NIPBL: variants seen among roughly 807,000 people sequenced by gnomAD.
The protein encoded by NIPBL is NIPBL cohesin loading factor.
NIPBL carries 19 observed loss-of-function variants against 321.8 expected under a neutral mutation model. The observed-to-expected ratio is 0.06, with a 90% confidence interval of 0.04 to 0.09. The LOEUF is 0.09. NIPBL is among the 10% of genes least tolerant of loss of function. The pLI, the probability that NIPBL is intolerant of heterozygous loss-of-function variation, is 1.00. For synonymous variants in NIPBL, 1,106 were observed against 1,114.1 expected (o/e 0.99, Z 0.14); for missense variants, 2,210 against 3,327.0 (o/e 0.66, Z 8.26).
chr5:37,042,427 T>C (rs1752505690), intron 34 of NIPBL, among the ~76,000 whole-genome samples: 1 of 151,344 alleles, frequency 6.6e-6, no homozygotes, highest in Non-Finnish European at 1.5e-5. Flanking sequence ...AGAACGAGGC[T>C]CTGTGTCAAA....
chr5:36,925,218 C>G (rs1232854837), intron 1 of NIPBL, among the ~76,000 whole-genome samples: 3 of 151,758 alleles, frequency 2.0e-5, no homozygotes, highest in African/African-American at 7.3e-5. Context: ...TATCATATCT[C>G]CAAATTTAAT....
intron 12 of NIPBL, 73 bp from the exon 13 acceptor site, chr5:37,000,744 A>G: frequency 7.1e-7 from 1 of 1,416,350 alleles, no homozygotes; most frequent in Admixed American, 1.8e-5. Context: ...TTCAGGAAAA[A>G]AACTAGAAAC....
intron 32 of NIPBL, among the ~76,000 whole-genome samples, chr5:37,028,333 CTTTT>C (rs10676635): frequency 4.4e-4 from 45 of 102,540 alleles, no homozygotes; most frequent in Non-Finnish European, 6.3e-4. Flanking sequence ...TTCCATAATA[CTTTT>C]TTTTTTTTTT....
chr5:37,044,950 A>G (rs1752821005), intron 36 of NIPBL, among the ~76,000 whole-genome samples: 1 of 152,210 alleles, frequency 6.6e-6, no homozygotes. Context: ...AAAGATTGGT[A>G]AATTTTTTGC....
At position 36,970,981 on chromosome 5, in the gene NIPBL, C is replaced by A; in HGVS notation, c.716C>A (p.Pro239His). ...GNSANHHADN[P>H]RHGSSEDYLH... The stretch of plus-strand genomic sequence containing the variant: ...TCAGCTAATCATCATGCTGATAATC[C>A]TAGACATGGTTCAAGTGAGGACTAC... The change falls in exon 7 of 47, where the codon CCT becomes CAT. Residue 239 changes from proline (P) to histidine (H), a missense_variant. By Grantham distance (77) the Pro-to-His change is moderately conservative. This residue lies in a region of NIPBL where 464 missense variants were observed against 529.5 expected (regional missense o/e 0.88). Coordinates refer to ENST00000282516, the MANE Select transcript of NIPBL (RefSeq NM_133433.4). 6.2e-7 allele frequency: 1 copy of A among 1,613,560 alleles called. No homozygotes were observed. Among genetic ancestry groups the A allele is most frequent in the Non-Finnish European group, 8.5e-7 (1 of 1,179,608 alleles).
intron 32 of NIPBL, among the ~76,000 whole-genome samples, chr5:37,031,774 G>C (rs1167964152): frequency 6.6e-6 from 1 of 152,086 alleles, no homozygotes; most frequent in African/African-American, 2.4e-5. Context: ...CATCAAAAAG[G>C]AACAGGGTAT....
chr5:36,971,043 A>T lies in NIPBL; in HGVS notation c.771+7A>T. 1 of 1,607,360 alleles carries T rather than the reference A, an allele frequency of 6.2e-7. No homozygotes were observed. Among genetic ancestry groups the T allele is most frequent in the Non-Finnish European group, 8.5e-7 (1 of 1,174,016 alleles). On this transcript the variant is annotated splice_region_variant and intron_variant, in intron 7 of 46. Transcript: ENST00000282516. ...GCACAGGCTAAGTAGTGACGTATGT[A>T]ATATATTATCATTAAGGTGATAAAA...
rs756589091 is a variant in NIPBL, at chr5:36,971,933, C to T, written c.772-12C>T. 1.4e-5 allele frequency: 23 copies of T among 1,605,736 alleles called. No individual in the cohort carries two copies. The highest frequency in any genetic ancestry group is 1.0e-4 in the Admixed American group (6 of 59,900). On this transcript the variant is annotated splice_polypyrimidine_tract_variant and intron_variant, in intron 7 of 46. Coordinates refer to ENST00000282516, the MANE Select transcript of NIPBL (RefSeq NM_133433.4). The stretch of plus-strand genomic sequence containing the variant: ...TGTCATTCAAAAGATAAATTGTATA[C>T]TCTATTTTTAGGATGGAGATTCTTC...
intron 1 of NIPBL, among the ~76,000 whole-genome samples, chr5:36,916,538 A>G (rs1225052993): frequency 1.3e-5 from 2 of 152,268 alleles, no homozygotes; most frequent in African/African-American, 2.4e-5. Flanking sequence ...TCTAGGGTAC[A>G]TGTGCACAAC....
At chr5:36,955,775 A>T in intron 3 of NIPBL, 138 bp downstream of exon 3, 1 of 682,562 alleles carries the variant, frequency 1.5e-6, no homozygotes, top group East Asian at 2.7e-5. Context: ...GAGGGAGAAT[A>T]TAGTCTTATT....
intron 10 of NIPBL, among the ~76,000 whole-genome samples, chr5:36,993,981 A>G (rs1192378683): frequency 1.3e-5 from 2 of 152,110 alleles, no homozygotes; most frequent in Admixed American, 1.3e-4. Context: ...CTAAAACATG[A>G]TTTTCCATCA....
chr5:37,018,653 T>TAG (rs755261173), intron 24 of NIPBL, among the ~76,000 whole-genome samples: 3 of 152,184 alleles, frequency 2.0e-5, no homozygotes, highest in East Asian at 3.8e-4. Context: ...TGTATGGCTA[T>TAG]GTTGATTATA....
chr5:37,035,747 A>G (rs745344315), intron 32 of NIPBL, among the ~76,000 whole-genome samples: 3 of 152,202 alleles, frequency 2.0e-5, no homozygotes, highest in Non-Finnish European at 2.9e-5. Context: ...GATTCCTTCA[A>G]TATCCCCAGA....
At chr5:37,064,307 A>C (rs1755151706) in intron 46 of NIPBL, 2 of 1,408,240 alleles carry the variant, frequency 1.4e-6, no homozygotes, top group Non-Finnish European at 1.8e-6. Flanking sequence ...TATATCAATA[A>C]GAGTAAAGAC....
chr5:36,944,814 A>C (rs1274556811), intron 1 of NIPBL, among the ~76,000 whole-genome samples: 1 of 152,010 alleles, frequency 6.6e-6, no homozygotes, highest in Non-Finnish European at 1.5e-5. Context: ...CTTGTGGACT[A>C]TTCAGTAATT....
intron 32 of NIPBL, among the ~76,000 whole-genome samples, chr5:37,031,276 G>A (rs776076036): frequency 2.6e-4 from 39 of 152,124 alleles, no homozygotes; most frequent in Non-Finnish European, 4.9e-4. Context: ...GCAAGCCACC[G>A]TGCCTGGCCA....
At chr5:36,885,471 A>G in intron 1 of NIPBL, 1 of 487,768 alleles carries the variant, frequency 2.1e-6, no homozygotes, top group Non-Finnish European at 4.0e-6. Context: ...CTGAACAACC[A>G]CCTGGCCTCC....
chr5:36,895,408 T>C (rs1222511297), intron 1 of NIPBL, among the ~76,000 whole-genome samples: 4 of 152,226 alleles, frequency 2.6e-5, no homozygotes, highest in East Asian at 1.9e-4. Context: ...TTGACTATTA[T>C]GAATAATGCT....
intron 32 of NIPBL, among the ~76,000 whole-genome samples, chr5:37,030,698 T>C (rs74636700): frequency 0.034 from 5,206 of 152,178 alleles, 282 homozygotes; most frequent in African/African-American, 0.12. Context: ...ACTACTAAAA[T>C]AGCTTCAAAT....
Sources: allele counts gnomAD v4.1 joint callset (sites outside exome capture counted in the v4.1 genomes callset), GRCh38; gene constraint gnomAD v4.1.1; regional missense constraint gnomAD v4.1.1; transcripts MANE v1.5; gene names NCBI Gene and HGNC (gene_info 2026-07-23, HGNC 2026-07-21).